PCDH15: variants seen among roughly 807,000 people sequenced by gnomAD.
PCDH15 encodes the protein protocadherin related 15, also known as protocadherin-15.
In PCDH15, 129 loss-of-function variants were observed where a neutral mutation model predicts 178.5. The observed-to-expected ratio is 0.72, with a 90% confidence interval of 0.63 to 0.84. The LOEUF (loss-of-function observed/expected upper bound fraction) is 0.84, where lower values mean the gene tolerates loss of function less well. Among genes scored for constraint, PCDH15 ranks in the 40% least tolerant of loss-of-function variants. PCDH15 has a pLI of 0.00. For synonymous variants in PCDH15, 800 were observed against 732.0 expected (o/e 1.09, Z -1.50); for missense variants, 2,230 against 2,099.9 (o/e 1.06, Z -1.21).
intron 15 of PCDH15, among the ~76,000 whole-genome samples, chr10:54,093,347 T>C (rs1169756925): frequency 6.6e-6 from 1 of 152,168 alleles, no homozygotes; most frequent in Non-Finnish European, 1.5e-5. Context: ...TCGAGGGTGG[T>C]ATAATAATTA....
At chr10:54,748,932 C>G (rs1244857017) in intron 1 of PCDH15, among the ~76,000 whole-genome samples, 1 of 152,062 alleles carries the variant, frequency 6.6e-6, no homozygotes, top group Admixed American at 6.5e-5. Flanking sequence ...CTTTCTAACT[C>G]TCTTTCTTTG....
intron 15 of PCDH15, among the ~76,000 whole-genome samples, chr10:54,129,602 TAAGTA>T (rs2042257860): frequency 6.6e-6 from 1 of 152,120 alleles, no homozygotes; most frequent in African/African-American, 2.4e-5. Context: ...AATGATACCA[TAAGTA>T]AAGAATTTAA....
intron 1 of PCDH15, among the ~76,000 whole-genome samples, chr10:54,777,539 C>G (rs1000198445): frequency 3.8e-4 from 58 of 152,308 alleles, no homozygotes; most frequent in Middle Eastern, 3.4e-3. Flanking sequence ...ACATTCCCAA[C>G]AGTCACAGAA....
intron 37 of PCDH15, chr10:53,808,947 A>G (rs1267978468): frequency 6.4e-7 from 1 of 1,559,836 alleles, no homozygotes; most frequent in Non-Finnish European, 8.7e-7. Flanking sequence ...GGGCTGGTCC[A>G]CTTTCTTCTT....
chr10:55,288,174 C>G (rs72803836), intron 1 of PCDH15, among the ~76,000 whole-genome samples: 8,431 of 149,044 alleles, frequency 0.057, 360 homozygotes, highest in Non-Finnish European at 0.084. Flanking sequence ...TTTCATATGC[C>G]CAGGTATAGA....
intron 8 of PCDH15, among the ~76,000 whole-genome samples, chr10:54,269,788 TTC>T (rs1245588423): frequency 2.6e-5 from 4 of 152,018 alleles, no homozygotes; most frequent in South Asian, 2.1e-4. Flanking sequence ...AATGCTGGAT[TTC>T]TCTGTTTTAA....
rs185213800 is a variant in PCDH15, at chr10:55,379,699, T to A, written c.-155-213048A>T. 1.4e-3 allele frequency among the ~76,000 whole-genome samples: 219 copies of A among 152,108 alleles called. 1 individual carries two copies. The highest frequency in any genetic ancestry group is 4.8e-3 in the African/African-American group (199 of 41,518). ...CTCAAATACTATATTTACCCCCACA[T>A]ACATAGTATTTCATTTAAAAGCAAG... On this transcript the variant is annotated intron_variant, in intron 2 of 5. Coordinates refer to the PCDH15 transcript ENST00000613346.
At chr10:54,426,716 T>C (rs1040919803) in intron 3 of PCDH15, among the ~76,000 whole-genome samples, 3 of 152,152 alleles carry the variant, frequency 2.0e-5, no homozygotes, top group Non-Finnish European at 2.9e-5. Flanking sequence ...AGTCTCCACT[T>C]TTACACGGCC....
intron 2 of PCDH15, among the ~76,000 whole-genome samples, chr10:55,622,113 A>T (rs1276468469): frequency 3.1e-5 from 2 of 64,512 alleles, no homozygotes; most frequent in African/African-American, 1.2e-4. Flanking sequence ...TATTATATAT[A>T]TCTATAAATA....
At chr10:54,712,800 C>A (rs1416596236) in intron 1 of PCDH15, among the ~76,000 whole-genome samples, 1 of 151,950 alleles carries the variant, frequency 6.6e-6, no homozygotes, top group Non-Finnish European at 1.5e-5. Context: ...AAGAATTAAT[C>A]ATCTTATGAG....
chr10:54,664,329 T>G, intron 1 of PCDH15, 39 bp from the exon 2 acceptor site: 1 of 1,280,066 alleles, frequency 7.8e-7, no homozygotes, highest in Non-Finnish European at 1.1e-6. Flanking sequence ...TTTGACATGT[T>G]CATTAATCTG....
At position 54,686,964 on chromosome 10, in the gene PCDH15, A is replaced by G. The variant is rs1002560075; in HGVS notation, c.-28-22674T>C. On this transcript the variant is annotated intron_variant, in intron 1 of 37. Transcript: ENST00000644397. Reference sequence around the variant, plus strand: ...TGTGACTTGATTTTAAAAATGGGCTAAAGACTTGGAAAGACAATTTTCCCC... The same window carrying G: ...TGTGACTTGATTTTAAAAATGGGCTGAAGACTTGGAAAGACAATTTTCCCC... 5.3e-4 allele frequency among the ~76,000 whole-genome samples: 81 copies of G among 152,296 alleles called. 1 individual carries two copies. The highest frequency in any genetic ancestry group is 1.9e-3 in the African/African-American group (79 of 41,584).
intron 35 of PCDH15, among the ~76,000 whole-genome samples, chr10:53,815,839 T>TTA (rs2076042532): frequency 6.6e-6 from 1 of 152,152 alleles, no homozygotes; most frequent in South Asian, 2.1e-4. Flanking sequence ...TCACATAAAA[T>TTA]GATATTTAAG....
intron 2 of PCDH15, among the ~76,000 whole-genome samples, chr10:54,572,343 T>C (rs2089948866): frequency 6.6e-6 from 1 of 152,068 alleles, no homozygotes; most frequent in Admixed American, 6.6e-5. Context: ...ATTTATAACA[T>C]CAAACGCTAG....
intron 2 of PCDH15, among the ~76,000 whole-genome samples, chr10:55,027,482 T>C (rs1840502956): frequency 6.6e-6 from 1 of 151,806 alleles, no homozygotes; most frequent in Non-Finnish European, 1.5e-5. Context: ...CAGCTAGAAA[T>C]TTCTGTCCTA....
intron 27 of PCDH15, among the ~76,000 whole-genome samples, chr10:53,860,328 A>G (rs2079020415): frequency 6.6e-6 from 1 of 152,188 alleles, no homozygotes; most frequent in South Asian, 2.1e-4. Context: ...GTGGAGCCAT[A>G]TGATGGAGTT....
chr10:55,198,132 C>G (rs1422342395), intron 1 of PCDH15, among the ~76,000 whole-genome samples: 1 of 152,060 alleles, frequency 6.6e-6, no homozygotes, highest in Non-Finnish European at 1.5e-5. Context: ...AAGTGTCTTG[C>G]AAGTAATATG....
chr10:55,157,166 TAAG>T (rs1312059801), intron 2 of PCDH15, among the ~76,000 whole-genome samples: 2 of 152,040 alleles, frequency 1.3e-5, no homozygotes, highest in Non-Finnish European at 2.9e-5. Context: ...AAAAACATAT[TAAG>T]AAGACATTTA....
At chr10:54,938,228 T>A (rs927834377) in intron 2 of PCDH15, among the ~76,000 whole-genome samples, 3 of 151,584 alleles carry the variant, frequency 2.0e-5, no homozygotes, top group African/African-American at 7.2e-5. Context: ...AAGTGAAATT[T>A]TTTTGTCTAT....
Sources: gnomAD v4.1 joint callset for allele counts (sites outside exome capture counted in the v4.1 genomes callset) on GRCh38, gnomAD v4.1.1 for gene constraint, MANE v1.5 for transcripts, NCBI Gene and HGNC (gene_info 2026-07-23, HGNC 2026-07-21) for gene names.